ABCB10: variants seen among roughly 807,000 people sequenced by gnomAD.
ABCB10 encodes the protein ATP-binding cassette sub-family B member 10, mitochondrial.
ABCB10 carries 54 observed loss-of-function variants against 65.4 expected under a neutral mutation model. The observed-to-expected ratio is 0.83, with a 90% confidence interval of 0.66 to 1.04. ABCB10 has a LOEUF of 1.04. Among genes scored for constraint, ABCB10 ranks in the 50% least tolerant of loss-of-function variants. The pLI is 0.00. For missense variants in ABCB10, 846 were observed against 976.6 expected, an observed-to-expected ratio of 0.87 and a Z score of 1.78; for synonymous variants, 418 against 406.5, an observed-to-expected ratio of 1.03 and a Z score of -0.34.
At chr1:229,548,666 CT>C (rs930788850) in intron 2 of ABCB10, among the ~76,000 whole-genome samples, 1,537 of 140,960 alleles carry the variant, frequency 0.011, 21 homozygotes, top group African/African-American at 0.033. Context: ...CTTTTTTTTT[CT>C]TTTTTTTTTT....
chr1:229,524,283 TC>T (rs1311175936), intron 10 of ABCB10, among the ~76,000 whole-genome samples: 2 of 151,950 alleles, frequency 1.3e-5, no homozygotes, highest in East Asian at 1.9e-4. Flanking sequence ...TACCTCAGCC[TC>T]CCGAGTAGCT....
chr1:229,529,667 C>CAAAA (rs969766089), intron 8 of ABCB10, among the ~76,000 whole-genome samples: 6 of 23,204 alleles, frequency 2.6e-4, no homozygotes, highest in African/African-American at 3.7e-4. Context: ...AAGACTGTCT[C>CAAAA]AAAAAAAAAA....
At chr1:229,550,604 G>C (rs1374576559) in intron 1 of ABCB10, among the ~76,000 whole-genome samples, 2 of 149,322 alleles carry the variant, frequency 1.3e-5, no homozygotes, top group Admixed American at 1.3e-4. Flanking sequence ...TGTAATCCCA[G>C]CACTTTGGGA....
chr1:229,553,464 C>T (rs1663166333), intron 1 of ABCB10, among the ~76,000 whole-genome samples: 1 of 152,104 alleles, frequency 6.6e-6, no homozygotes, highest in Non-Finnish European at 1.5e-5. Context: ...GAGCAGCGGA[C>T]AGAGCACTGT....
In ABCB10 at chr1:229,547,912, TTC is replaced by T. The variant is rs1663008414; in HGVS notation, c.719-213_719-212del. On this transcript the variant is annotated intron_variant, in intron 2 of 12. Coordinates refer to ENST00000344517, the MANE Select transcript of ABCB10 (RefSeq NM_012089.3). Reference sequence around the variant, plus strand: ...CTGTCATGCACTACTAACACTACTTTTCTCTTATTAACTACAGACTGTGGGCG... The same window carrying T: ...CTGTCATGCACTACTAACACTACTTTTCTTATTAACTACAGACTGTGGGCG... Among the ~76,000 whole-genome samples, 3 of 152,292 alleles carry T rather than the reference TTC, an allele frequency of 2.0e-5. No individual in the cohort carries two copies. In the South Asian group the frequency reaches 6.2e-4, roughly 32 times the overall value.
chr1:229,529,009 C>T (rs996798130), intron 8 of ABCB10, among the ~76,000 whole-genome samples: 4 of 152,078 alleles, frequency 2.6e-5, no homozygotes, highest in African/African-American at 7.2e-5. Context: ...AAGAAAATCC[C>T]GGCTGGGCGC....
chr1:229,552,498 T>C (rs913979661), intron 1 of ABCB10, among the ~76,000 whole-genome samples: 1 of 152,174 alleles, frequency 6.6e-6, no homozygotes, highest in Non-Finnish European at 1.5e-5. Context: ...TTCTACTGAA[T>C]TGCAGCAAAG....
chr1:229,524,268 A>G (rs956877184), intron 10 of ABCB10, among the ~76,000 whole-genome samples: 2 of 151,552 alleles, frequency 1.3e-5, no homozygotes, highest in Admixed American at 6.6e-5. Context: ...CTCAAGCAGT[A>G]CTCCTACCTC....
chr1:229,531,919 C>T lies in ABCB10; in HGVS notation c.1340-188G>A. 4 of 379,948 alleles carry T rather than the reference C, an allele frequency of 1.1e-5. No homozygotes were observed. In the South Asian group the frequency reaches 1.9e-4, roughly 18 times the overall value. The allele number at this position is 379,948 out of a possible 1,614,324, so 23.5% of individuals were successfully genotyped here. On this transcript the variant is annotated intron_variant, in intron 6 of 12. Transcript: ENST00000344517. ...TTGCTTGTCTCATACTCTAGTTTTC[C>T]TTTGGCTTCTCCTCCTCCAGTTTCA... is the stretch of plus-strand genomic sequence containing the variant.
chr1:229,555,287 G>A (rs910477737), intron 1 of ABCB10, among the ~76,000 whole-genome samples: 7 of 152,176 alleles, frequency 4.6e-5, no homozygotes, highest in Middle Eastern at 3.2e-3. Flanking sequence ...ATGAAGTGTC[G>A]CTTATCCCAT....
At chr1:229,540,296 C>A (rs1303053106) in intron 5 of ABCB10, among the ~76,000 whole-genome samples, 1 of 152,108 alleles carries the variant, frequency 6.6e-6, no homozygotes, top group Non-Finnish European at 1.5e-5. Flanking sequence ...CAGTTTCCTA[C>A]CCAGCAGACC....
chr1:229,529,753 G>C (rs1217513011), intron 8 of ABCB10, among the ~76,000 whole-genome samples: 1 of 151,458 alleles, frequency 6.6e-6, no homozygotes, highest in Non-Finnish European at 1.5e-5. Flanking sequence ...ATGGCTCACA[G>C]GCAGAGGCAG....
chr1:229,530,074 G>T, intron 8 of ABCB10, 125 bp downstream of exon 8: 1 of 944,680 alleles, frequency 1.1e-6, no homozygotes, highest in Non-Finnish European at 1.6e-6. Flanking sequence ...CTTTCCACTG[G>T]CACTTAGAAA....
chr1:229,531,525 A>G (rs769250828), intron 7 of ABCB10, 111 bp downstream of exon 7: 265 of 1,082,342 alleles, frequency 2.4e-4, no homozygotes, highest in Non-Finnish European at 3.4e-4. Flanking sequence ...AGCAGGAGCC[A>G]CATCCTTACT....
In ABCB10 at chr1:229,558,542, G is replaced by A; in HGVS notation, c.111C>T (p.Pro37=). The A allele has an allele frequency of 6.9e-7, 1 of 1,439,866 alleles. No homozygotes were observed. Among genetic ancestry groups the A allele is most frequent in the East Asian group, 3.2e-5 (1 of 31,166 alleles). 89.2% of individuals were successfully genotyped at this position (1,439,866 alleles called of 1,614,324 possible). ...GGCCAGTGAACGGCGATAGGGACCC[G>A]GGAACGCGGCTGGCCGCGGCCCACA... The part of the protein sequence containing the change: ...ACVWAAASRV[P]GSLSPFTGLR... Residue 37 remains proline (P), a synonymous_variant, in exon 1 of 13, where the codon CCC becomes CCT. Coordinates refer to ENST00000344517, the MANE Select transcript of ABCB10 (RefSeq NM_012089.3).
At chr1:229,544,259 A>G (rs575948267) in intron 3 of ABCB10, among the ~76,000 whole-genome samples, 2 of 152,232 alleles carry the variant, frequency 1.3e-5, no homozygotes, top group East Asian at 3.9e-4. Context: ...TCTATAAAAA[A>G]TACAAAAATT....
intron 10 of ABCB10, among the ~76,000 whole-genome samples, chr1:229,522,869 A>T (rs1191641209): frequency 6.6e-6 from 1 of 151,732 alleles, no homozygotes; most frequent in Non-Finnish European, 1.5e-5. Context: ...ATTTTTTTTG[A>T]GACAAGAGTC....
chr1:229,532,514 C>G (rs1460916156), intron 6 of ABCB10, among the ~76,000 whole-genome samples: 2 of 152,000 alleles, frequency 1.3e-5, no homozygotes, highest in Non-Finnish European at 2.9e-5. Context: ...ATACGCTACT[C>G]ACATACTCCC....
chr1:229,528,863 C>T (rs1662503691), intron 8 of ABCB10, among the ~76,000 whole-genome samples: 1 of 152,038 alleles, frequency 6.6e-6, no homozygotes, highest in Admixed American at 6.6e-5. Context: ...TTGATTTTTA[C>T]TAAGAGTTGT....
Sources: gnomAD v4.1 joint callset for allele counts (sites outside exome capture counted in the v4.1 genomes callset) on GRCh38, gnomAD v4.1.1 for gene constraint, MANE v1.5 for transcripts, NCBI Gene and HGNC (gene_info 2026-07-23, HGNC 2026-07-21) for gene names.